ANKRD33B: variants seen among roughly 807,000 people sequenced by gnomAD.
The protein encoded by ANKRD33B is ankyrin repeat domain-containing protein 33B.
ANKRD33B carries 6 observed loss-of-function variants against 21.5 expected under a neutral mutation model. That is an observed-to-expected ratio of 0.28 (90% confidence interval 0.15 to 0.55). The LOEUF (loss-of-function observed/expected upper bound fraction) is 0.55, where lower values mean the gene tolerates loss of function less well. ANKRD33B is among the 20% of genes least tolerant of loss of function. The pLI is 0.94. For synonymous variants in ANKRD33B, 347 were observed against 342.4 expected, an observed-to-expected ratio of 1.01 and a Z score of -0.15; for missense variants, 698 against 747.2, an observed-to-expected ratio of 0.93 and a Z score of 0.77.
chr5:10,618,568 C>G lies in ANKRD33B; in HGVS notation c.496+106C>G. 3 of 1,388,898 alleles carry G rather than the reference C, an allele frequency of 2.2e-6. No homozygotes were observed. In the East Asian group the frequency reaches 7.6e-5, roughly 35 times the overall value. The allele number at this position is 1,388,898 out of a possible 1,614,324, so 86.0% of individuals were successfully genotyped here. A position where few individuals can be genotyped will look rare whatever the true frequency, so the allele number is the denominator to read the frequency against. On this transcript the variant is annotated intron_variant, in intron 2 of 3. Coordinates refer to ENST00000296657, the MANE Select transcript of ANKRD33B (RefSeq NM_001164440.2). Reference sequence around the variant, plus strand: ...CAGTCAGGATGGAAATGATCAGAGACCATGTCCTGCTACCAAGGGGTGCCA... The same window carrying G: ...CAGTCAGGATGGAAATGATCAGAGAGCATGTCCTGCTACCAAGGGGTGCCA...
At chr5:10,592,135 G>A (rs908398485) in intron 1 of ANKRD33B, among the ~76,000 whole-genome samples, 7 of 151,630 alleles carry the variant, frequency 4.6e-5, no homozygotes, top group African/African-American at 1.7e-4. Context: ...AGCAATGTTG[G>A]TTGAGTCATC....
rs562566728 is a variant in ANKRD33B at position 10,616,235 on chromosome 5, A to T, written c.367-2098A>T. Among the ~76,000 whole-genome samples the T allele has an allele frequency of 1.2e-4, 19 of 152,218 alleles. No homozygotes were observed. In the East Asian group the frequency reaches 3.7e-3, roughly 29 times the overall value. On this transcript the variant is annotated intron_variant, in intron 1 of 3. Transcript: ENST00000296657. ...CTTATTGAGATAAGTGGGCAGGGCT[A>T]CTCGAGTCCTCTTGTTGTTCCATGA...
rs1737288892 is a variant in ANKRD33B, at chr5:10,649,753, C to A, written c.1125C>A (p.Asp375Glu). Residue 375 changes from aspartate to glutamate, a missense_variant, in exon 4 of 4, where the codon GAC becomes GAA. This residue lies in a region of ANKRD33B where 543 missense variants were observed against 566.5 expected (regional missense o/e 0.96). Coordinates refer to ENST00000296657, the MANE Select transcript of ANKRD33B (RefSeq NM_001164440.2). ...AGCGCGGGCGGACCGGACAGGAGGA[C>A]GCGGACTCCCGGGAGGGCTCCCCGA... ...AGQRGRTGQE[D>E]ADSREGSPRA... 2 of 1,445,416 alleles carry A rather than the reference C, an allele frequency of 1.4e-6. No homozygotes were observed. The highest frequency in any genetic ancestry group is 2.5e-5 in the Admixed American group (1 of 39,306). The allele number at this position is 1,445,416 out of a possible 1,614,324, so 89.5% of individuals were successfully genotyped here.
chr5:10,638,932 C>T (rs1210830304), intron 3 of ANKRD33B, among the ~76,000 whole-genome samples: 2 of 141,146 alleles, frequency 1.4e-5, no homozygotes, highest in Non-Finnish European at 3.1e-5. Context: ...CGCGGAGTTG[C>T]GCGGCGATAT....
In ANKRD33B at chr5:10,651,825, C is replaced by T. The variant is rs1737363442; in HGVS notation, c.*1712C>T. On this transcript the variant is annotated 3_prime_UTR_variant, in exon 4 of 4. Transcript: ENST00000296657. Reference sequence around the variant, plus strand: ...CTTAAACTGGCCTCTCCAAATACTCCATTGAACAGGACTGCAGGCTGCACC... The same window carrying T: ...CTTAAACTGGCCTCTCCAAATACTCTATTGAACAGGACTGCAGGCTGCACC... 6.6e-6 allele frequency: 1 copy of T among 152,354 alleles called. No individual in the cohort carries two copies. Among genetic ancestry groups the T allele is most frequent in the South Asian group, 2.1e-4 (1 of 4,824 alleles). 9.4% of individuals were successfully genotyped at this position (152,354 alleles called of 1,614,324 possible).
At chr5:10,612,725 C>G (rs888849150) in intron 1 of ANKRD33B, among the ~76,000 whole-genome samples, 1 of 152,192 alleles carries the variant, frequency 6.6e-6, no homozygotes, top group African/African-American at 2.4e-5. Flanking sequence ...CCGTCCCCAG[C>G]GCAAGATTCT....
intron 3 of ANKRD33B, among the ~76,000 whole-genome samples, chr5:10,642,375 C>A (rs1185075742): frequency 6.6e-6 from 1 of 152,192 alleles, no homozygotes; most frequent in Non-Finnish European, 1.5e-5. Context: ...GCAAGCCCAT[C>A]CCCCATCACA....
intron 3 of ANKRD33B, among the ~76,000 whole-genome samples, chr5:10,648,987 G>A (rs1022788537): frequency 2.6e-5 from 4 of 150,966 alleles, no homozygotes; most frequent in African/African-American, 4.9e-5. Context: ...CCTGGGCGGT[G>A]GTGTAGCCCC....
intron 1 of ANKRD33B, among the ~76,000 whole-genome samples, chr5:10,594,742 T>TA (rs1476928903): frequency 6.6e-6 from 1 of 152,144 alleles, no homozygotes; most frequent in African/African-American, 2.4e-5. Flanking sequence ...AATTCACTGA[T>TA]ACATGTCAGG....
intron 2 of ANKRD33B, among the ~76,000 whole-genome samples, chr5:10,629,457 TG>T (rs1244360108): frequency 6.6e-6 from 1 of 152,046 alleles, no homozygotes; most frequent in Non-Finnish European, 1.5e-5. Context: ...GCTTGGGTGA[TG>T]GGGTGACTGG....
Position 10,649,658 on chromosome 5 carries a change from G to C in ANKRD33B, c.1030G>C (p.Glu344Gln), listed in dbSNP as rs1057410378. The C allele has an allele frequency of 6.5e-7, 1 of 1,530,546 alleles. No individual in the cohort carries two copies. Among genetic ancestry groups the C allele is most frequent in the Non-Finnish European group, 8.7e-7 (1 of 1,144,530 alleles). 94.8% of individuals were successfully genotyped at this position (1,530,546 alleles called of 1,614,324 possible). ...GGGGAAGAGGCGGCTGGCGGTGCAG[G>C]AGATCCTGGCGGCGCGGGCTGCACG... The part of the protein sequence containing the change: ...SVGKRRLAVQ[E>Q]ILAARAARGP... Residue 344 changes from glutamate to glutamine, a missense_variant, in exon 4 of 4, where the codon GAG becomes CAG. Physicochemically the swap from Glu to Gln is conservative, Grantham distance 29 (BLOSUM62 2). Around this residue, in one of 3 missense-constraint regions of ANKRD33B, gnomAD observed 543 missense variants for 566.5 expected, o/e 0.96. Transcript: ENST00000296657.
At chr5:10,617,908 G>T (rs1290021324) in intron 1 of ANKRD33B, among the ~76,000 whole-genome samples, 1 of 152,014 alleles carries the variant, frequency 6.6e-6, no homozygotes, top group Non-Finnish European at 1.5e-5. Flanking sequence ...TTTCACACAC[G>T]GACCCCAACA....
At chr5:10,572,649 G>A (rs1200460452) in intron 1 of ANKRD33B, among the ~76,000 whole-genome samples, 3 of 152,216 alleles carry the variant, frequency 2.0e-5, no homozygotes, top group Admixed American at 6.5e-5. Context: ...AGGCAGCCCC[G>A]TCTGGGCCTG....
intron 3 of ANKRD33B, among the ~76,000 whole-genome samples, chr5:10,641,204 C>T (rs1351859707): frequency 6.8e-6 from 1 of 147,632 alleles, no homozygotes; most frequent in Non-Finnish European, 1.5e-5. Context: ...CTTAGTTGTC[C>T]CCAGTCTTCT....
rs561234399 is a variant in ANKRD33B at position 10,636,167 on chromosome 5, TGG to T, written c.497-1856_497-1855del. On this transcript the variant is annotated intron_variant, in intron 2 of 3. Coordinates refer to ENST00000296657, the MANE Select transcript of ANKRD33B (RefSeq NM_001164440.2). ...GGCTTCTCCATGATTCAGGTGTTCC[TGG>T]GGGGAGGGAGGTGATGCCAAGTTAA... Among the ~76,000 whole-genome samples, 571 of 124,114 alleles carry T rather than the reference TGG, an allele frequency of 4.6e-3. 5 individuals are homozygous for T. Among genetic ancestry groups the T allele is most frequent in the African/African-American group, 0.016 (556 of 35,780 alleles). The allele number at this position is 124,114 out of a possible 152,430, so 81.4% of individuals were successfully genotyped here.
chr5:10,573,691 C>T (rs190017298), intron 1 of ANKRD33B, among the ~76,000 whole-genome samples: 6 of 152,132 alleles, frequency 3.9e-5, no homozygotes, highest in Admixed American at 2.0e-4. Context: ...TACTACATGG[C>T]GGCATGAGAG....
At position 10,648,673 on chromosome 5, in the gene ANKRD33B, C is replaced by T. The variant is rs181054749; in HGVS notation, c.638-593C>T. On this transcript the variant is annotated intron_variant, in intron 3 of 3. Transcript: ENST00000296657. ...ACTCGGGAGGCTGAGGCAGGAGAGTCGCTTGAACCCGGGAGGCAGAGGTTG... is the reference window on the plus strand; with the variant it reads ...ACTCGGGAGGCTGAGGCAGGAGAGTTGCTTGAACCCGGGAGGCAGAGGTTG... 5.3e-5 allele frequency among the ~76,000 whole-genome samples: 8 copies of T among 151,386 alleles called. No individual in the cohort carries two copies. In the East Asian group the frequency reaches 1.4e-3, roughly 26 times the overall value.
In ANKRD33B at chr5:10,650,219, C is replaced by G. The variant is rs904392308; in HGVS notation, c.*106C>G. 9 of 1,215,678 alleles carry G rather than the reference C, an allele frequency of 7.4e-6. No homozygotes were observed. The highest frequency in any genetic ancestry group is 9.7e-6 in the Non-Finnish European group (9 of 927,758). The allele number at this position is 1,215,678 out of a possible 1,614,324, so 75.3% of individuals were successfully genotyped here. A position where few individuals can be genotyped will look rare whatever the true frequency, so the allele number is the denominator to read the frequency against. ...CGTTGCGCATCGCACCACTTCCGCT[C>G]CATGGACCACGGGGCTGCGCGCATT... On this transcript the variant is annotated 3_prime_UTR_variant, in exon 4 of 4. Transcript: ENST00000296657.
rs1381392187 is a variant in ANKRD33B at position 10,655,316 on chromosome 5, A to G, written c.*5203A>G. On this transcript the variant is annotated 3_prime_UTR_variant, in exon 4 of 4. Coordinates refer to ENST00000296657, the MANE Select transcript of ANKRD33B (RefSeq NM_001164440.2). ...TGCTGTTTTCAGGCTGTTGGGAAGAATCGTGCGTACCGAGTGATTATGATG... is the reference window on the plus strand; with the variant it reads ...TGCTGTTTTCAGGCTGTTGGGAAGAGTCGTGCGTACCGAGTGATTATGATG... The G allele has an allele frequency of 6.6e-6, 1 of 152,310 alleles. No individual in the cohort carries two copies. The highest frequency in any genetic ancestry group is 1.5e-5 in the Non-Finnish European group (1 of 68,038). The allele number at this position is 152,310 out of a possible 1,614,324, so 9.4% of individuals were successfully genotyped here. A position where few individuals can be genotyped will look rare whatever the true frequency, so the allele number is the denominator to read the frequency against.
Sources: allele counts gnomAD v4.1 joint callset (sites outside exome capture counted in the v4.1 genomes callset), GRCh38; gene constraint gnomAD v4.1.1; regional missense constraint gnomAD v4.1.1; transcripts MANE v1.5; gene names NCBI Gene and HGNC (gene_info 2026-07-23, HGNC 2026-07-21).